Variants in COG3 observed in about 807,000 individuals in gnomAD.
COG3 encodes the protein component of oligomeric golgi complex 3.
COG3 carries 32 observed loss-of-function variants against 114.1 expected under a neutral mutation model. That is an observed-to-expected ratio of 0.28 (90% CI 0.21 to 0.38). The LOEUF (loss-of-function observed/expected upper bound fraction) is 0.38. COG3 is among the 10% of genes least tolerant of loss of function. COG3 has a pLI of 1.00. For missense variants in COG3, 813 were observed against 973.2 expected (o/e 0.84, Z 2.19); for synonymous variants, 352 against 365.7 (o/e 0.96, Z 0.43).
At chr13:45,483,388 T>C in intron 7 of COG3, 33 bp downstream of exon 7, 2 of 1,501,336 alleles carry the variant, frequency 1.3e-6, no homozygotes, top group Non-Finnish European at 1.8e-6. Context: ...CAGGTTTTTG[T>C]TATTGTTGTT....
intron 16 of COG3, among the ~76,000 whole-genome samples, chr13:45,512,532 C>A (rs1280518807): frequency 6.6e-6 from 1 of 152,026 alleles, no homozygotes; most frequent in Admixed American, 6.6e-5. Context: ...AGGATTTTGT[C>A]ATGTTGCTCA....
chr13:45,493,286 A>C, intron 11 of COG3, 61 bp from the exon 12 acceptor site: 1 of 1,379,762 alleles, frequency 7.2e-7, no homozygotes, highest in East Asian at 2.3e-5. Context: ...GAGGATTTCT[A>C]AATTATTACA....
chr13:45,535,011 A>G lies in COG3; in HGVS notation c.*280A>G. On this transcript the variant is annotated 3_prime_UTR_variant, in exon 23 of 23. Coordinates refer to ENST00000349995, the MANE Select transcript of COG3 (RefSeq NM_031431.4). ...ATGTGAAGAGAGAGCTAGGGCAGAC[A>G]TGCAGTGAAATGGTTCTTTGTTAAA... 8.4e-7 allele frequency: 1 copy of G among 1,187,470 alleles called. No homozygotes were observed. The highest frequency in any genetic ancestry group is 4.1e-5 in the South Asian group (1 of 24,132). The allele number at this position is 1,187,470 out of a possible 1,614,324, so 73.6% of individuals were successfully genotyped here. A position where few individuals can be genotyped will look rare whatever the true frequency, so the allele number is the denominator to read the frequency against.
Position 45,496,291 on chromosome 13 carries a change from C to G in COG3, c.1467C>G (p.Pro489=). 2.4e-5 allele frequency: 38 copies of G among 1,596,668 alleles called. No individual in the cohort carries two copies. The highest frequency in any genetic ancestry group is 3.2e-5 in the Non-Finnish European group (38 of 1,170,062). The change falls in exon 13 of 23, where the codon CCC becomes CCG. Residue 489 remains proline (P), a synonymous_variant. Coordinates refer to ENST00000349995, the MANE Select transcript of COG3 (RefSeq NM_031431.4). ...CAGCTCCTGGAGATCTGGCATATCC[C>G]GATAAGTTAGTCATGATGGAGGTAG... ...YKPAPGDLAY[P]DKLVMMEQIA... is the part of the protein sequence containing the mutation.
At chr13:45,506,136 G>A (rs1397598404) in intron 14 of COG3, among the ~76,000 whole-genome samples, 1 of 152,158 alleles carries the variant, frequency 6.6e-6, no homozygotes, top group Non-Finnish European at 1.5e-5. Context: ...CCATTGAACA[G>A]CACTGCCGTA....
chr13:45,516,315 G>A, intron 17 of COG3, 52 bp downstream of exon 17: 2 of 1,407,790 alleles, frequency 1.4e-6, no homozygotes, highest in Non-Finnish European at 1.9e-6. Flanking sequence ...CTGTCCAGAT[G>A]TGTCAGCACA....
At position 45,483,257 on chromosome 13, in the gene COG3, T is replaced by C; in HGVS notation, c.745T>C (p.Leu249=). 2 of 1,579,690 alleles carry C rather than the reference T, an allele frequency of 1.3e-6. No homozygotes were observed. The highest frequency in any genetic ancestry group is 1.7e-6 in the Non-Finnish European group (2 of 1,149,458). ...HPNFKDYPIY[L]LKFKQCLSKA... is the part of the protein sequence containing the mutation. ...TAATTTTAAAGATTATCCCATATATTTGCTGAAGTTTAAACAGTGTCTTTC... is the reference window on the plus strand; with the variant it reads ...TAATTTTAAAGATTATCCCATATATCTGCTGAAGTTTAAACAGTGTCTTTC... Residue 249 remains leucine (L), a synonymous_variant, in exon 7 of 23, where the codon TTG becomes CTG. Transcript: ENST00000349995.
chr13:45,465,019 G>T lies in COG3; in HGVS notation c.-18G>T, dbSNP rs1382030573. ...CCCCTCCATCTCGCTGCTGCTGAAG[G>T]CCGCGAGGGCGGCGGCGATGGCGGA... On this transcript the variant is annotated 5_prime_UTR_variant, in exon 1 of 23. Transcript: ENST00000349995. 1 of 1,552,852 alleles carries T rather than the reference G, an allele frequency of 6.4e-7. No individual in the cohort carries two copies. The highest frequency in any genetic ancestry group is 8.7e-7 in the Non-Finnish European group (1 of 1,150,368).
intron 6 of COG3, 31 bp from the exon 7 acceptor site, chr13:45,483,199 C>T (rs1329275451): frequency 6.5e-7 from 1 of 1,547,100 alleles, no homozygotes; most frequent in Non-Finnish European, 8.8e-7. Flanking sequence ...TGTTCATTTC[C>T]ACTTTGTAAA....
Position 45,496,175 on chromosome 13 carries a change from G to C in COG3, c.1351G>C (p.Ala451Pro). Residue 451 changes from alanine to proline, a missense_variant, in exon 13 of 23, where the codon GCT becomes CCT. This residue lies in a region of COG3 where 389 missense variants were observed against 542.6 expected (regional missense o/e 0.72). Coordinates refer to ENST00000349995, the MANE Select transcript of COG3 (RefSeq NM_031431.4). ...NNAEQLGAFAAGVKQMLEDVQ... is the reference protein window; with the variant it reads ...NNAEQLGAFAPGVKQMLEDVQ... ...AGCTGAGCAACTGGGGGCATTTGCA[G>C]CTGGAGTCAAGCAGATGTTAGAAGA... is the stretch of plus-strand genomic sequence containing the variant. The C allele has an allele frequency of 6.2e-7, 1 of 1,609,542 alleles. No homozygotes were observed.
chr13:45,526,582 G>A (rs574163959), intron 20 of COG3, among the ~76,000 whole-genome samples: 2 of 152,250 alleles, frequency 1.3e-5, no homozygotes, highest in South Asian at 4.1e-4. Flanking sequence ...TCATTTGTTT[G>A]ACTGCAAATA....
chr13:45,466,652 A>C (rs964467615), intron 1 of COG3: 4 of 152,190 alleles, frequency 2.6e-5, no homozygotes, highest in South Asian at 2.1e-4. Flanking sequence ...TTTATAATTG[A>C]TTTGGCTCCT....
rs775657394 is a variant in COG3 at position 45,529,882 on chromosome 13, T to C, written c.2322T>C (p.Asn774=). 20 of 1,613,100 alleles carry C rather than the reference T, an allele frequency of 1.2e-5. No homozygotes were observed. In the Admixed American group the frequency reaches 3.2e-4, roughly 26 times the overall value. Residue 774 remains asparagine (N), a synonymous_variant, in exon 21 of 23, where the codon AAT becomes AAC. Transcript: ENST00000349995. ...TLRSMSLYLS[N]KDTEFILFKP... ...GAAGTATGTCCTTGTACCTATCCAA[T>C]AAAGATACCGAGTTCATCTTGTTTA...
At chr13:45,519,549 T>C (rs965109867) in intron 19 of COG3, among the ~76,000 whole-genome samples, 15 of 152,250 alleles carry the variant, frequency 9.9e-5, no homozygotes, top group African/African-American at 3.4e-4. Context: ...TGAAGACTTT[T>C]ATAACATAGC....
At chr13:45,501,634 A>T (rs560060802) in intron 13 of COG3, among the ~76,000 whole-genome samples, 5 of 152,186 alleles carry the variant, frequency 3.3e-5, no homozygotes, top group African/African-American at 1.2e-4. Flanking sequence ...TTATTGAAGG[A>T]TTGTATTAGA....
intron 14 of COG3, among the ~76,000 whole-genome samples, chr13:45,503,790 G>T (rs1869814059): frequency 6.6e-6 from 1 of 152,136 alleles, no homozygotes; most frequent in Non-Finnish European, 1.5e-5. Flanking sequence ...TGTATGTGGG[G>T]AAGGAGCAGG....
chr13:45,516,292 G>C (rs1194681909), intron 17 of COG3, 29 bp downstream of exon 17: 1 of 1,549,972 alleles, frequency 6.5e-7, no homozygotes, highest in Non-Finnish European at 8.8e-7. Flanking sequence ...TGGCACACTT[G>C]GGTGTGTTTG....
intron 8 of COG3, among the ~76,000 whole-genome samples, chr13:45,488,525 G>A (rs1468161006): frequency 1.3e-5 from 2 of 152,022 alleles, no homozygotes; most frequent in Admixed American, 1.3e-4. Context: ...AAAAGATTAA[G>A]GATGCAATAT....
intron 14 of COG3, among the ~76,000 whole-genome samples, chr13:45,508,403 TACAC>T (rs1182268847): frequency 7.5e-5 from 10 of 133,050 alleles, no homozygotes; most frequent in Non-Finnish European, 1.1e-4. Flanking sequence ...TATATATATA[TACAC>T]ACACACACAC....
Sources: allele counts gnomAD v4.1 joint callset (sites outside exome capture counted in the v4.1 genomes callset), GRCh38; gene constraint gnomAD v4.1.1; regional missense constraint gnomAD v4.1.1; transcripts MANE v1.5; gene names NCBI Gene and HGNC (gene_info 2026-07-23, HGNC 2026-07-21).